The following AKAP11 variants were observed in gnomAD, a reference collection of about 807,000 sequenced individuals.
AKAP11 encodes A-kinase anchoring protein 11.
Under a neutral mutation model 146.1 loss-of-function variants are expected in AKAP11, and 36 were observed. That is an observed-to-expected ratio of 0.25 (90% CI 0.19 to 0.33). The LOEUF (loss-of-function observed/expected upper bound fraction) is 0.33, where lower values mean the gene tolerates loss of function less well. Ranked by LOEUF, AKAP11 falls within the 10% of genes least tolerant of loss-of-function variation. The pLI, the probability that AKAP11 is intolerant of heterozygous loss-of-function variation, is 1.00. For missense variants in AKAP11, 2,201 were observed against 2,197.0 expected, an observed-to-expected ratio of 1.00 and a Z score of -0.04; for synonymous variants, 780 against 786.5, an observed-to-expected ratio of 0.99 and a Z score of 0.14.
At chr13:42,287,037 T>G (rs545985474) in intron 3 of AKAP11, among the ~76,000 whole-genome samples, 33 of 152,334 alleles carry the variant, frequency 2.2e-4, no homozygotes, top group African/African-American at 7.9e-4. Context: ...CCTTACACAT[T>G]AAGACAATAT....
Position 42,303,106 on chromosome 13 carries a change from CTGTATA to C in AKAP11, c.4361_4366del (p.Leu1454_Ser1456delinsArg). 1 of 1,614,070 alleles carries C rather than the reference CTGTATA, an allele frequency of 6.2e-7. No individual in the cohort carries two copies. The highest frequency in any genetic ancestry group is 8.5e-7 in the Non-Finnish European group (1 of 1,180,020). ...TCCATATAGAAATGAGGTCTCCCAA[CTGTATA>C]GTTTTTCAACCTCTCTGGTTCACAG... On this transcript the variant is annotated inframe_deletion, in exon 8 of 13. Coordinates refer to ENST00000025301, the MANE Select transcript of AKAP11 (RefSeq NM_016248.4).
rs778839665 is a variant in AKAP11, at chr13:42,286,405, T to G, written c.51+6T>G. On this transcript the variant is annotated splice_donor_region_variant and intron_variant, in intron 3 of 12. Transcript: ENST00000025301. ...CTAAAGCATCTGTCAGAAAAGTAAGTTCACTCTATTAGGTTTCTTTTAGTG... is the reference window on the plus strand; with the variant it reads ...CTAAAGCATCTGTCAGAAAAGTAAGGTCACTCTATTAGGTTTCTTTTAGTG... 1 of 1,592,370 alleles carries G rather than the reference T, an allele frequency of 6.3e-7. No homozygotes were observed. Among genetic ancestry groups the G allele is most frequent in the Admixed American group, 1.8e-5 (1 of 56,374 alleles).
chr13:42,281,988 T>C (rs1467503587), intron 1 of AKAP11, among the ~76,000 whole-genome samples: 1 of 151,428 alleles, frequency 6.6e-6, no homozygotes, highest in African/African-American at 2.4e-5. Context: ...TTCTTTTTTT[T>C]TTTTTTTTGA....
chr13:42,299,934 G>T lies in AKAP11; in HGVS notation c.1188G>T (p.Met396Ile). 6.2e-7 allele frequency: 1 copy of T among 1,613,942 alleles called. No homozygotes were observed. Among genetic ancestry groups the T allele is most frequent in the South Asian group, 1.1e-5 (1 of 91,058 alleles). ...RKGHKHGKSC[M>I]NPQKFKFDRP... Reference sequence around the variant, plus strand: ...GGCACAAACATGGAAAGTCATGTATGAATCCTCAAAAATTCAAGTTTGATC... The same window carrying T: ...GGCACAAACATGGAAAGTCATGTATTAATCCTCAAAAATTCAAGTTTGATC... Residue 396 changes from methionine (M) to isoleucine (I), a missense_variant, in exon 8 of 13, where the codon ATG (methionine) becomes ATT (isoleucine). Met to Ile is a conservative substitution (Grantham distance 10, BLOSUM62 1). Around this residue, in one of 3 missense-constraint regions of AKAP11, gnomAD observed 1,867 missense variants for 1,833.5 expected, o/e 1.02. Coordinates refer to ENST00000025301, the MANE Select transcript of AKAP11 (RefSeq NM_016248.4).
chr13:42,283,165 T>C (rs967761904), intron 1 of AKAP11, among the ~76,000 whole-genome samples: 1 of 152,240 alleles, frequency 6.6e-6, no homozygotes, highest in Non-Finnish European at 1.5e-5. Flanking sequence ...TTCACTTTTA[T>C]GTTGCACAGA....
intron 3 of AKAP11, 115 bp from the exon 4 acceptor site, chr13:42,292,270 G>A (rs1452789805): frequency 4.0e-6 from 2 of 499,010 alleles, no homozygotes; most frequent in Admixed American, 6.3e-5. Flanking sequence ...GTATCAAAAG[G>A]TGCCAGTGAA....
At chr13:42,297,566 C>T (rs1177206313) in intron 6 of AKAP11, among the ~76,000 whole-genome samples, 2 of 151,844 alleles carry the variant, frequency 1.3e-5, no homozygotes, top group Non-Finnish European at 2.9e-5. Flanking sequence ...AGAGAATGTA[C>T]TTCAGTTCAT....
At position 42,303,587 on chromosome 13, in the gene AKAP11, G is replaced by C. The variant is rs1233629351; in HGVS notation, c.4841G>C (p.Ser1614Thr). Reference protein sequence around the residue: ...QHFFRQGSLASSKPASNPKFS... With the variant: ...QHFFRQGSLATSKPASNPKFS... ...TTTTTCAGACAGGGTTCTCTCGCCAGTAGTAAGCCAGCTTCTAATCCAAAA... is the reference window on the plus strand; with the variant it reads ...TTTTTCAGACAGGGTTCTCTCGCCACTAGTAAGCCAGCTTCTAATCCAAAA... The change falls in exon 8 of 13, where the codon AGT becomes ACT. Residue 1614 changes from serine (S) to threonine (T), a missense_variant. This residue lies in a region of AKAP11 where 1,867 missense variants were observed against 1,833.5 expected (regional missense o/e 1.02). Transcript: ENST00000025301. 6.2e-7 allele frequency: 1 copy of C among 1,614,226 alleles called. No homozygotes were observed.
chr13:42,273,695 C>T (rs1159380991), intron 1 of AKAP11, among the ~76,000 whole-genome samples: 1 of 152,180 alleles, frequency 6.6e-6, no homozygotes, highest in Admixed American at 6.5e-5. Flanking sequence ...GTGAGAAATT[C>T]TCTAGCCTTC....
chr13:42,306,976 G>A lies in AKAP11; in HGVS notation c.5118-1478G>A, dbSNP rs1960292650. On this transcript the variant is annotated intron_variant, in intron 8 of 12. Transcript: ENST00000025301. ...GCTGAGATTGCAAGCATGAGCCACC[G>A]TGCCTGGCTGATAGTGCATTTTTAG... Among the ~76,000 whole-genome samples the A allele has an allele frequency of 2.0e-5, 3 of 152,080 alleles. No homozygotes were observed. In the South Asian group the frequency reaches 6.2e-4, roughly 32 times the overall value.
chr13:42,285,167 T>C (rs1344602834), intron 1 of AKAP11, among the ~76,000 whole-genome samples: 1 of 152,234 alleles, frequency 6.6e-6, no homozygotes, highest in Non-Finnish European at 1.5e-5. Flanking sequence ...AAATTTATGT[T>C]AACCAAATGT....
chr13:42,293,762 A>T (rs540860943), intron 4 of AKAP11, among the ~76,000 whole-genome samples: 145 of 152,308 alleles, frequency 9.5e-4, no homozygotes, highest in Non-Finnish European at 1.8e-3. Flanking sequence ...GCATCTTCAA[A>T]ACCCTATGCC....
chr13:42,272,317 G>C (rs1355321765), intron 1 of AKAP11, 89 bp downstream of exon 1: 1 of 152,190 alleles, frequency 6.6e-6, no homozygotes, highest in Non-Finnish European at 1.5e-5. Flanking sequence ...GAGCGGCCCG[G>C]CTCCGGCGCT....
At position 42,313,116 on chromosome 13, in the gene AKAP11, T is replaced by C. The variant is rs770150503; in HGVS notation, c.5343T>C (p.Phe1781=). The part of the protein sequence containing the change: ...EGDLYEDNLS[F]PTSDSDGPDD... ...ATTTGTATGAGGACAATTTATCCTTTCCAACATCAGACAGGTTGGTCCAGT... is the reference window on the plus strand; with the variant it reads ...ATTTGTATGAGGACAATTTATCCTTCCCAACATCAGACAGGTTGGTCCAGT... Residue 1781 remains phenylalanine, a synonymous_variant, in exon 10 of 13, where the codon TTT becomes TTC. Coordinates refer to ENST00000025301, the MANE Select transcript of AKAP11 (RefSeq NM_016248.4). 5.2e-5 allele frequency: 84 copies of C among 1,612,454 alleles called. No homozygotes were observed. The highest frequency in any genetic ancestry group is 4.4e-5 in the Non-Finnish European group (52 of 1,179,532).
Position 42,319,906 on chromosome 13 carries a change from G to GGGGTGTGTGTGT in AKAP11, c.*679_*680insGGTGTGTGTGTG, listed in dbSNP as rs1555295199. The GGGGTGTGTGTGT allele has an allele frequency of 9.0e-5, 12 of 132,750 alleles. No homozygotes were observed. Among genetic ancestry groups the GGGGTGTGTGTGT allele is most frequent in the Admixed American group, 1.6e-4 (2 of 12,530 alleles). 8.2% of individuals were successfully genotyped at this position (132,750 alleles called of 1,614,324 possible). On this transcript the variant is annotated 3_prime_UTR_variant, in exon 13 of 13. Coordinates refer to ENST00000025301, the MANE Select transcript of AKAP11 (RefSeq NM_016248.4). The stretch of plus-strand genomic sequence containing the variant: ...TGCTGCCAGTCATTCTGGCATGAAA[G>GGGGTGTGTGTGT]GTGTGTGTGTGTGTGTGTGTGTGTG...
At chr13:42,278,617 A>G (rs1044817866) in intron 1 of AKAP11, among the ~76,000 whole-genome samples, 4 of 152,128 alleles carry the variant, frequency 2.6e-5, no homozygotes, top group Non-Finnish European at 4.4e-5. Context: ...CATTTTATCA[A>G]TATGTCTGTC....
At position 42,301,453 on chromosome 13, in the gene AKAP11, C is replaced by A. The variant is rs561645029; in HGVS notation, c.2707C>A (p.Arg903Ser). ...SLEVTKMVDE[R>S]TDYLTKSLKE... ...GGAAGTTACAAAAATGGTTGATGAA[C>A]GTACAGATTATTTAACTAAATCTTT... Residue 903 changes from arginine to serine, a missense_variant, in exon 8 of 13, where the codon CGT becomes AGT. Arg to Ser is a moderately radical substitution (Grantham distance 110, BLOSUM62 -1). Around this residue, in one of 3 missense-constraint regions of AKAP11, gnomAD observed 1,867 missense variants for 1,833.5 expected, o/e 1.02. Transcript: ENST00000025301. 26 of 1,613,102 alleles carry A rather than the reference C, an allele frequency of 1.6e-5. No homozygotes were observed. The highest frequency in any genetic ancestry group is 2.1e-5 in the Non-Finnish European group (25 of 1,179,748).
chr13:42,275,803 A>G (rs1187877099), intron 1 of AKAP11, among the ~76,000 whole-genome samples: 1 of 152,216 alleles, frequency 6.6e-6, no homozygotes, highest in African/African-American at 2.4e-5. Flanking sequence ...TAAAGCAATT[A>G]AACAGTGTCT....
intron 9 of AKAP11, among the ~76,000 whole-genome samples, chr13:42,310,562 G>A (rs898912587): frequency 1.2e-4 from 18 of 152,060 alleles, no homozygotes; most frequent in Non-Finnish European, 8.8e-5. Context: ...TAAAGACTTC[G>A]GCGATTTGGG....
Sources: allele counts gnomAD v4.1 joint callset (sites outside exome capture counted in the v4.1 genomes callset), GRCh38; gene constraint gnomAD v4.1.1; regional missense constraint gnomAD v4.1.1; transcripts MANE v1.5; gene names NCBI Gene and HGNC (gene_info 2026-07-23, HGNC 2026-07-21).